RPA3: variants seen among roughly 807,000 people sequenced by gnomAD.
The protein encoded by RPA3 is replication protein A 14 kDa subunit.
RPA3 carries 24 observed loss-of-function variants against 13.7 expected under a neutral mutation model. That is an observed-to-expected ratio of 1.75 (90% CI 1.27 to 2.46). The LOEUF (loss-of-function observed/expected upper bound fraction) is 2.46, where lower values mean the gene tolerates loss of function less well. RPA3 is among the 30% of genes most tolerant of loss of function. The probability of loss-of-function intolerance (pLI) is 0.00; values close to 1 mark genes in which losing one functional copy is unlikely to be tolerated. For synonymous variants in RPA3, 59 were observed against 51.2 expected (o/e 1.15, Z -0.65); for missense variants, 183 against 151.0 (o/e 1.21, Z -1.11).
Position 7,637,093 on chromosome 7 carries a change from C to T in RPA3, c.284-11G>A, listed in dbSNP as rs781260658. ...TGTAAAGTCCAAGATCTGAAAGAAA[C>T]ATTTAAGCAAACATTTAATCTACAA... On this transcript the variant is annotated splice_polypyrimidine_tract_variant and intron_variant, in intron 7 of 7. Transcript: ENST00000223129. 6.4e-7 allele frequency: 1 copy of T among 1,563,798 alleles called. No individual in the cohort carries two copies. Among genetic ancestry groups the T allele is most frequent in the East Asian group, 2.2e-5 (1 of 44,484 alleles).
intron 2 of RPA3, among the ~76,000 whole-genome samples, chr7:7,709,421 T>G (rs1056200444): frequency 6.6e-6 from 1 of 152,178 alleles, no homozygotes; most frequent in Non-Finnish European, 1.5e-5. Context: ...AGAGGTCAGA[T>G]GTTGGTGTTG....
At chr7:7,653,837 G>C (rs1785281757) in intron 4 of RPA3, among the ~76,000 whole-genome samples, 1 of 152,168 alleles carries the variant, frequency 6.6e-6, no homozygotes, top group Admixed American at 6.5e-5. Flanking sequence ...CACAGCTGGG[G>C]GATAGGAAGG....
At chr7:7,717,806 T>G (rs1207036984) in intron 1 of RPA3, among the ~76,000 whole-genome samples, 3 of 152,204 alleles carry the variant, frequency 2.0e-5, no homozygotes, top group Non-Finnish European at 4.4e-5. Context: ...GTCCTCAAGA[T>G]TTTGTTTTTA....
chr7:7,712,356 C>T (rs1415215119), intron 2 of RPA3, among the ~76,000 whole-genome samples: 1 of 152,016 alleles, frequency 6.6e-6, no homozygotes, highest in Non-Finnish European at 1.5e-5. Context: ...TATTTCTGTC[C>T]ATTTGCTTAG....
chr7:7,693,432 T>C (rs569077972), intron 2 of RPA3, among the ~76,000 whole-genome samples: 1 of 152,248 alleles, frequency 6.6e-6, no homozygotes, highest in South Asian at 2.1e-4. Context: ...ATGTATAGAC[T>C]TTCCAAGGGG....
chr7:7,673,276 T>C, intron 4 of RPA3: 1 of 1,117,362 alleles, frequency 8.9e-7, no homozygotes, highest in South Asian at 1.3e-5. Context: ...CAGTTGCATC[T>C]GAATTTGACA....
intron 1 of RPA3, among the ~76,000 whole-genome samples, chr7:7,717,920 A>G (rs1410863502): frequency 6.6e-6 from 1 of 152,200 alleles, no homozygotes; most frequent in Non-Finnish European, 1.5e-5. Flanking sequence ...CTATTAATAA[A>G]CTTGATGTTT....
chr7:7,637,441 A>G lies in RPA3; in HGVS notation c.284-359T>C, dbSNP rs28916314. ...AATTAATCTTTACTGAGTTTCTTAC[A>G]TATATAAGCACTACTTAAAAGCAGG... On this transcript the variant is annotated intron_variant, in intron 7 of 7. Coordinates refer to ENST00000223129, the MANE Select transcript of RPA3 (RefSeq NM_002947.5). Among the ~76,000 whole-genome samples the G allele has an allele frequency of 3.9e-5, 6 of 152,286 alleles. 1 individual carries two copies. The highest frequency in any genetic ancestry group is 6.8e-3 in the Middle Eastern group (2 of 294).
chr7:7,648,358 G>C (rs543161362), intron 4 of RPA3, among the ~76,000 whole-genome samples: 14 of 152,184 alleles, frequency 9.2e-5, no homozygotes, highest in Non-Finnish European at 1.3e-4. Context: ...ATTTGTGTTT[G>C]TGTTGGCCTG....
chr7:7,696,354 A>C (rs1405374273), intron 2 of RPA3, among the ~76,000 whole-genome samples: 2 of 151,932 alleles, frequency 1.3e-5, no homozygotes, highest in African/African-American at 4.8e-5. Flanking sequence ...GTATCACGAT[A>C]AAGACAATTT....
At chr7:7,671,738 G>A (rs1779609435) in intron 4 of RPA3, among the ~76,000 whole-genome samples, 1 of 150,730 alleles carries the variant, frequency 6.6e-6, no homozygotes, top group Admixed American at 6.6e-5. Context: ...ATCTAATCTT[G>A]TTTTTCACCA....
rs1272189712 is a variant in RPA3, at chr7:7,700,549, A to AC, written c.-1027-13222dup. Among the ~76,000 whole-genome samples, 7 of 152,088 alleles carry AC rather than the reference A, an allele frequency of 4.6e-5. No individual in the cohort carries two copies. The East Asian group carries it at 9.7e-4, about 21-fold the overall frequency. ...AGACCATACTGGGTAACATAGTGAGACCCCCATCTCTACAAAATAAAAACA... is the reference window on the plus strand; with the variant it reads ...AGACCATACTGGGTAACATAGTGAGACCCCCCATCTCTACAAAATAAAAACA... On this transcript the variant is annotated intron_variant, in intron 2 of 7. Transcript: ENST00000223129.
At chr7:7,652,397 C>G (rs1219063540) in intron 4 of RPA3, among the ~76,000 whole-genome samples, 2 of 152,168 alleles carry the variant, frequency 1.3e-5, no homozygotes, top group East Asian at 3.8e-4. Context: ...TAGTGTGTTT[C>G]TTTACATACA....
chr7:7,665,016 C>T (rs527890806), intron 4 of RPA3, among the ~76,000 whole-genome samples: 244 of 128,112 alleles, frequency 1.9e-3, no homozygotes, highest in African/African-American at 6.6e-3. Context: ...TATATATATA[C>T]ACACACACAC....
At chr7:7,714,318 T>C (rs1780838365) in intron 2 of RPA3, among the ~76,000 whole-genome samples, 1 of 152,266 alleles carries the variant, frequency 6.6e-6, no homozygotes, top group South Asian at 2.1e-4. Flanking sequence ...GAGCAGACTT[T>C]CTTTGGCTGC....
intron 4 of RPA3, chr7:7,673,435 G>T: frequency 1.1e-6 from 1 of 923,242 alleles, no homozygotes; most frequent in Non-Finnish European, 1.7e-6. Flanking sequence ...GACAGAAGCA[G>T]ATGGATTCGT....
intron 3 of RPA3, among the ~76,000 whole-genome samples, chr7:7,686,476 T>C (rs1051083662): frequency 6.6e-6 from 1 of 152,222 alleles, no homozygotes; most frequent in Non-Finnish European, 1.5e-5. Context: ...ATTTTTATAG[T>C]TTCAGCAAGA....
rs555781343 is a variant in RPA3 at position 7,645,482 on chromosome 7, G to C, written c.-757-4307C>G. Among the ~76,000 whole-genome samples the C allele has an allele frequency of 2.6e-5, 4 of 152,294 alleles. 1 individual carries two copies. The highest frequency in any genetic ancestry group is 9.6e-5 in the African/African-American group (4 of 41,562). ...TGGTTATCTCATAGGCCAGGTAAGT[G>C]ATGGAGCTTCAGCTATCAAGTAAAT... On this transcript the variant is annotated intron_variant, in intron 4 of 7. Coordinates refer to ENST00000223129, the MANE Select transcript of RPA3 (RefSeq NM_002947.5).
chr7:7,674,434 A>G (rs758966207), intron 4 of RPA3, among the ~76,000 whole-genome samples: 1 of 152,190 alleles, frequency 6.6e-6, no homozygotes, highest in Non-Finnish European at 1.5e-5. Flanking sequence ...AAACTTTACT[A>G]TAGAATTTTC....
Sources: allele counts gnomAD v4.1 joint callset (sites outside exome capture counted in the v4.1 genomes callset), GRCh38; gene constraint gnomAD v4.1.1; transcripts MANE v1.5; gene names NCBI Gene and HGNC (gene_info 2026-07-23, HGNC 2026-07-21).